Variants in OSBPL3 observed in about 807,000 individuals in gnomAD.
OSBPL3 encodes the protein oxysterol-binding protein-related protein 3.
A neutral mutation model predicts 120.1 loss-of-function variants in OSBPL3; 65 were observed. The ratio of observed to expected loss-of-function variants is 0.54; its 90% CI spans 0.44 to 0.67. The LOEUF is 0.67. OSBPL3 is among the 30% of genes least tolerant of loss of function. The probability of loss-of-function intolerance (pLI) is 0.00; values close to 1 mark genes in which losing one functional copy is unlikely to be tolerated. For missense variants in OSBPL3, 1,004 were observed against 1,082.1 expected, an observed-to-expected ratio of 0.93 and a Z score of 1.01; for synonymous variants, 416 against 402.6, an observed-to-expected ratio of 1.03 and a Z score of -0.40.
At chr7:24,931,445 A>G (rs1337285366) in intron 1 of OSBPL3, among the ~76,000 whole-genome samples, 1 of 152,126 alleles carries the variant, frequency 6.6e-6, no homozygotes, top group African/African-American at 2.4e-5. Context: ...AAGGGTCCTT[A>G]TAAGAGGGCG....
Position 24,922,415 on chromosome 7 carries a change from T to C in OSBPL3, c.-149-29794A>G, listed in dbSNP as rs150598255. Among the ~76,000 whole-genome samples, 330 of 152,208 alleles carry C rather than the reference T, an allele frequency of 2.2e-3. 1 individual carries two copies. The highest frequency in any genetic ancestry group is 7.4e-3 in the African/African-American group (307 of 41,524). ...GAACAATTCCCTCTCAGGGGAATTG[T>C]ATGGCTGAGTGACCAGCGTGGGAGG... On this transcript the variant is annotated intron_variant, in intron 1 of 22. Transcript: ENST00000313367. The surrounding 1 kb of genome is among the most constrained non-coding windows in gnomAD (Gnocchi z 4.3).
chr7:24,878,549 T>C (rs917132445), intron 2 of OSBPL3, among the ~76,000 whole-genome samples: 1 of 152,192 alleles, frequency 6.6e-6, no homozygotes, highest in African/African-American at 2.4e-5. Context: ...ACAATACTTG[T>C]CAATAGATTT....
In OSBPL3 at chr7:24,800,261, A is replaced by G; in HGVS notation, c.2586T>C (p.Ser862=). The part of the protein sequence containing the change: ...PRFFRKSDDD[S]WVSNGTYLEL... ...CCAAATAGGTGCCGTTGCTCACCCA[A>G]GAGTCATCGTCGGATTTCCTGTGAA... Residue 862 remains serine, a synonymous_variant, in exon 23 of 23, where the codon TCT becomes TCC. Transcript: ENST00000313367. 6.2e-7 allele frequency: 1 copy of G among 1,610,642 alleles called. No homozygotes were observed. The highest frequency in any genetic ancestry group is 8.5e-7 in the Non-Finnish European group (1 of 1,177,030).
At position 24,799,748 on chromosome 7, in the gene OSBPL3, T is replaced by G. The variant is rs764913731; in HGVS notation, c.*435A>C. On this transcript the variant is annotated 3_prime_UTR_variant, in exon 23 of 23. Coordinates refer to ENST00000313367, the MANE Select transcript of OSBPL3 (RefSeq NM_015550.4). This position sits in a 1 kb window ranked among gnomAD's most constrained non-coding sequence, Gnocchi z 5.3. Reference sequence around the variant, plus strand: ...AGATATTTCAGCTACCAAATTAAACTTGGGTAGCTTACGCATGGGTGAGTA... The same window carrying G: ...AGATATTTCAGCTACCAAATTAAACGTGGGTAGCTTACGCATGGGTGAGTA... 4 of 152,778 alleles carry G rather than the reference T, an allele frequency of 2.6e-5. No individual in the cohort carries two copies. The highest frequency in any genetic ancestry group is 6.5e-5 in the Admixed American group (1 of 15,284). The allele number at this position is 152,778 out of a possible 1,614,324, so 9.5% of individuals were successfully genotyped here. A position where few individuals can be genotyped will look rare whatever the true frequency, so the allele number is the denominator to read the frequency against.
Position 24,900,266 on chromosome 7 carries a change from G to C in OSBPL3, c.-149-7645C>G, listed in dbSNP as rs2128374344. Among the ~76,000 whole-genome samples, 1 of 152,260 alleles carries C rather than the reference G, an allele frequency of 6.6e-6. No homozygotes were observed. Among genetic ancestry groups the C allele is most frequent in the East Asian group, 1.9e-4 (1 of 5,184 alleles). ...GCCACAGGTTAATATTACAACCATG[G>C]CATAGAATCTTTCGGCCTTTGGTAT... On this transcript the variant is annotated intron_variant, in intron 1 of 22. Transcript: ENST00000313367. This position sits in a 1 kb window ranked among gnomAD's most constrained non-coding sequence, Gnocchi z 4.5.
chr7:24,902,026 T>A (rs142952521), intron 1 of OSBPL3, among the ~76,000 whole-genome samples: 288 of 152,358 alleles, frequency 1.9e-3, no homozygotes, highest in African/African-American at 6.6e-3. Context: ...AAGGCCAGCC[T>A]TACTAAGTTG....
intron 11 of OSBPL3, among the ~76,000 whole-genome samples, chr7:24,850,704 T>C (rs1799042324): frequency 6.6e-6 from 1 of 152,124 alleles, no homozygotes; most frequent in Non-Finnish European, 1.5e-5. Context: ...ATGACAGAGG[T>C]AGGGAGGCTA....
Position 24,855,514 on chromosome 7 carries a change from T to C in OSBPL3, c.1028-2880A>G, listed in dbSNP as rs1218447081. Among the ~76,000 whole-genome samples the C allele has an allele frequency of 2.0e-5, 3 of 152,198 alleles. No homozygotes were observed. Among genetic ancestry groups the C allele is most frequent in the Non-Finnish European group, 4.4e-5 (3 of 68,038 alleles). On this transcript the variant is annotated intron_variant, in intron 10 of 22. Coordinates refer to ENST00000313367, the MANE Select transcript of OSBPL3 (RefSeq NM_015550.4). The surrounding 1 kb of genome is among the most constrained non-coding windows in gnomAD (Gnocchi z 4.3). Reference sequence around the variant, plus strand: ...TATTTTATTGTAAGGAATAAAACGCTTCCTAAATCATCTGAAAAAAGGGTT... The same window carrying C: ...TATTTTATTGTAAGGAATAAAACGCCTCCTAAATCATCTGAAAAAAGGGTT...
In OSBPL3 at chr7:24,872,448, A is replaced by AGAGT. The variant is rs912921078; in HGVS notation, c.97-380_97-379insACTC. Reference sequence around the variant, plus strand: ...TCAGTCTGAATTTTAACCGAAAGAGAGTGTGTGTGTGTGTGTGTGTGTGTG... The same window carrying AGAGT: ...TCAGTCTGAATTTTAACCGAAAGAGAGAGTGTGTGTGTGTGTGTGTGTGTGTGTG... On this transcript the variant is annotated intron_variant, in intron 2 of 22. Coordinates refer to ENST00000313367, the MANE Select transcript of OSBPL3 (RefSeq NM_015550.4). The surrounding 1 kb of genome is among the most constrained non-coding windows in gnomAD (Gnocchi z 4.1). 3.7e-4 allele frequency among the ~76,000 whole-genome samples: 54 copies of AGAGT among 144,986 alleles called. No homozygotes were observed. Among genetic ancestry groups the AGAGT allele is most frequent in the East Asian group, 3.2e-3 (16 of 5,066 alleles).
At position 24,854,492 on chromosome 7, in the gene OSBPL3, ACACACACACG is replaced by A. The variant is rs776485670; in HGVS notation, c.1028-1868_1028-1859del. ...TTAACAAAGTCACAACAATTTGTAC[ACACACACACG>A]CACACACACACACACACACACACAC... On this transcript the variant is annotated intron_variant, in intron 10 of 22. Coordinates refer to ENST00000313367, the MANE Select transcript of OSBPL3 (RefSeq NM_015550.4). This position sits in a 1 kb window ranked among gnomAD's most constrained non-coding sequence, Gnocchi z 4.1. Among the ~76,000 whole-genome samples the A allele has an allele frequency of 0.091, 9,949 of 109,704 alleles. 355 individuals carry two copies. Among genetic ancestry groups the A allele is most frequent in the Non-Finnish European group, 0.11 (6,126 of 57,166 alleles). 72.0% of individuals were successfully genotyped at this position (109,704 alleles called of 152,430 possible). A position where few individuals can be genotyped will look rare whatever the true frequency, so the allele number is the denominator to read the frequency against.
At chr7:24,837,094 C>T (rs1044027606) in intron 14 of OSBPL3, among the ~76,000 whole-genome samples, 1 of 152,208 alleles carries the variant, frequency 6.6e-6, no homozygotes, top group Non-Finnish European at 1.5e-5. Context: ...CTCAGCCTCC[C>T]AAAGTCCTGG....
intron 1 of OSBPL3, among the ~76,000 whole-genome samples, chr7:24,977,834 C>T (rs1261056748): frequency 6.6e-6 from 1 of 152,046 alleles, no homozygotes; most frequent in Non-Finnish European, 1.5e-5. Flanking sequence ...CCAGCCTGGG[C>T]GACAGCGTGA....
At chr7:24,878,820 A>T (rs1269149818) in intron 2 of OSBPL3, among the ~76,000 whole-genome samples, 1 of 152,222 alleles carries the variant, frequency 6.6e-6, no homozygotes, top group Non-Finnish European at 1.5e-5. Flanking sequence ...AGATCTTGTT[A>T]AAAATGCAGA....
chr7:24,922,546 C>G lies in OSBPL3; in HGVS notation c.-149-29925G>C, dbSNP rs1385537122. 6.6e-6 allele frequency among the ~76,000 whole-genome samples: 1 copy of G among 152,220 alleles called. No individual in the cohort carries two copies. Among genetic ancestry groups the G allele is most frequent in the Non-Finnish European group, 1.5e-5 (1 of 68,042 alleles). On this transcript the variant is annotated intron_variant, in intron 1 of 22. Transcript: ENST00000313367. The surrounding 1 kb of genome is among the most constrained non-coding windows in gnomAD (Gnocchi z 4.3). ...ACATAAAATGCACTATGTGATTCAT[C>G]ATTACAGTAAACCCCAAGGGAAGTG... is the stretch of plus-strand genomic sequence containing the variant.
intron 1 of OSBPL3, among the ~76,000 whole-genome samples, chr7:24,961,005 T>C (rs1286270104): frequency 6.6e-6 from 1 of 152,200 alleles, no homozygotes; most frequent in Non-Finnish European, 1.5e-5. Flanking sequence ...ATATGAATAA[T>C]TAAACTTCGA....
At chr7:24,826,335 G>A (rs1236089716) in intron 16 of OSBPL3, among the ~76,000 whole-genome samples, 1 of 152,218 alleles carries the variant, frequency 6.6e-6, no homozygotes, top group Non-Finnish European at 1.5e-5. Context: ...GGACAGGAAT[G>A]TCTATGACTC....
At position 24,862,791 on chromosome 7, in the gene OSBPL3, G is replaced by A. The variant is rs928986060; in HGVS notation, c.870+409C>T. On this transcript the variant is annotated intron_variant, in intron 9 of 22. Transcript: ENST00000313367. The surrounding 1 kb of genome is among the most constrained non-coding windows in gnomAD (Gnocchi z 4.4). ...TGTGCCCAGAGAATCAGGCCTGTGG[G>A]CTTAGAGGGATGACAAATCCATGGA... 6.6e-6 allele frequency among the ~76,000 whole-genome samples: 1 copy of A among 152,132 alleles called. No homozygotes were observed. Among genetic ancestry groups the A allele is most frequent in the Non-Finnish European group, 1.5e-5 (1 of 68,032 alleles).
At position 24,860,429 on chromosome 7, in the gene OSBPL3, A is replaced by G. The variant is rs557329108; in HGVS notation, c.1027+1184T>C. Among the ~76,000 whole-genome samples the G allele has an allele frequency of 8.4e-4, 128 of 152,088 alleles. 3 individuals carry two copies. The South Asian group carries it at 8.7e-3, about 10-fold the overall frequency. ...GAATCACGGGGGTGGCTTCCCAAAT[A>G]CTGTTCTTGTGGTAGTAAATAAGTC... On this transcript the variant is annotated intron_variant, in intron 10 of 22. Coordinates refer to ENST00000313367, the MANE Select transcript of OSBPL3 (RefSeq NM_015550.4).
In OSBPL3 at chr7:24,834,169, A is replaced by T; in HGVS notation, c.1746+317T>A. 1 of 1,072,532 alleles carries T rather than the reference A, an allele frequency of 9.3e-7. No individual in the cohort carries two copies. The highest frequency in any genetic ancestry group is 1.1e-6 in the Non-Finnish European group (1 of 877,768). The allele number at this position is 1,072,532 out of a possible 1,614,324, so 66.4% of individuals were successfully genotyped here. A position where few individuals can be genotyped will look rare whatever the true frequency, so the allele number is the denominator to read the frequency against. On this transcript the variant is annotated intron_variant, in intron 15 of 22. Coordinates refer to ENST00000313367, the MANE Select transcript of OSBPL3 (RefSeq NM_015550.4). This position sits in a 1 kb window ranked among gnomAD's most constrained non-coding sequence, Gnocchi z 5.2. Reference sequence around the variant, plus strand: ...TAAACATGCAGACAGCCCTAAAGACATGTTTTCCAGCCGGGCACATCGGAA... The same window carrying T: ...TAAACATGCAGACAGCCCTAAAGACTTGTTTTCCAGCCGGGCACATCGGAA...
Sources: gnomAD v4.1 joint callset for allele counts (sites outside exome capture counted in the v4.1 genomes callset) on GRCh38, gnomAD v4.1.1 for gene constraint, Gnocchi (gnomAD v3.1) non-coding constraint, MANE v1.5 for transcripts, NCBI Gene and HGNC (gene_info 2026-07-23, HGNC 2026-07-21) for gene names.